RORA: variants seen among roughly 807,000 people sequenced by gnomAD.
RORA encodes nuclear receptor ROR-alpha.
A neutral mutation model predicts 69.5 loss-of-function variants in RORA; 7 were observed. The observed-to-expected ratio is 0.10, with a 90% CI of 0.06 to 0.19. The LOEUF (loss-of-function observed/expected upper bound fraction) is 0.19, where lower values mean the gene tolerates loss of function less well. Ranked by LOEUF, RORA falls within the 10% of genes least tolerant of loss-of-function variation. RORA has a pLI of 1.00. For synonymous variants in RORA, 261 were observed against 240.8 expected (o/e 1.08, Z -0.78); for missense variants, 457 against 663.0 (o/e 0.69, Z 3.41).
At chr15:60,796,511 C>CAA (rs200497896) in intron 1 of RORA, among the ~76,000 whole-genome samples, 16 of 144,200 alleles carry the variant, frequency 1.1e-4, no homozygotes, top group Non-Finnish European at 2.0e-4. Flanking sequence ...CACCCCCCGC[C>CAA]AAAAAAAAAA....
chr15:60,930,237 C>A (rs1436892758), intron 1 of RORA, among the ~76,000 whole-genome samples: 1 of 152,134 alleles, frequency 6.6e-6, no homozygotes, highest in East Asian at 1.9e-4. Flanking sequence ...ATATGCCAGT[C>A]TCCTCCTACT....
At chr15:60,740,223 C>T (rs1364516539) in intron 1 of RORA, among the ~76,000 whole-genome samples, 5 of 152,092 alleles carry the variant, frequency 3.3e-5, no homozygotes, top group Non-Finnish European at 7.3e-5. Context: ...ATTCTATAAA[C>T]CCCAACAACG....
At chr15:60,506,295 G>C (rs2065498628) in intron 5 of RORA, among the ~76,000 whole-genome samples, 1 of 152,070 alleles carries the variant, frequency 6.6e-6, no homozygotes, top group South Asian at 2.1e-4. Flanking sequence ...TATTTCACAG[G>C]GCTGCCATGA....
intron 1 of RORA, among the ~76,000 whole-genome samples, chr15:61,040,861 T>A (rs1227616023): frequency 1.3e-5 from 2 of 152,198 alleles, no homozygotes. Context: ...TTGTTTTTAT[T>A]GATAAAACTC....
At chr15:60,937,533 T>G (rs1328970726) in intron 1 of RORA, among the ~76,000 whole-genome samples, 1 of 152,226 alleles carries the variant, frequency 6.6e-6, no homozygotes, top group Non-Finnish European at 1.5e-5. Context: ...TGCACAATTC[T>G]GTTTCATATG....
At chr15:61,149,568 G>A (rs1279418100) in intron 1 of RORA, among the ~76,000 whole-genome samples, 4 of 152,158 alleles carry the variant, frequency 2.6e-5, no homozygotes, top group Admixed American at 2.0e-4. Context: ...GCAAAGGAGT[G>A]ATGTGCCATA....
chr15:61,196,297 C>A (rs1267920640), intron 1 of RORA, among the ~76,000 whole-genome samples: 1 of 152,236 alleles, frequency 6.6e-6, no homozygotes, highest in Middle Eastern at 3.2e-3. Context: ...CAACCAGTAG[C>A]TTGCATCACC....
At chr15:60,505,225 T>G (rs2065460987) in intron 6 of RORA, among the ~76,000 whole-genome samples, 1 of 152,218 alleles carries the variant, frequency 6.6e-6, no homozygotes, top group Non-Finnish European at 1.5e-5. Context: ...TCAATTCATT[T>G]AGACTTTTGG....
chr15:60,916,989 A>G (rs1284747312), intron 1 of RORA, among the ~76,000 whole-genome samples: 5 of 152,186 alleles, frequency 3.3e-5, no homozygotes, highest in Non-Finnish European at 7.3e-5. Flanking sequence ...TCCCCATCGC[A>G]CTGGTGATGG....
chr15:60,811,633 ATACAGAAACATTC>A (rs2072744180), intron 1 of RORA, among the ~76,000 whole-genome samples: 1 of 152,252 alleles, frequency 6.6e-6, no homozygotes, highest in Admixed American at 6.5e-5. Context: ...CAATGATATA[ATACAGAAACATTC>A]TTTGAAAAGA....
At chr15:60,521,899 C>T (rs902079665) in intron 3 of RORA, among the ~76,000 whole-genome samples, 4 of 152,128 alleles carry the variant, frequency 2.6e-5, no homozygotes, top group South Asian at 2.1e-4. Flanking sequence ...CTTTTCAAAA[C>T]GCCTTGTGCT....
At chr15:60,682,141 C>T (rs1181724530) in intron 1 of RORA, 4 of 152,124 alleles carry the variant, frequency 2.6e-5, no homozygotes, top group African/African-American at 2.4e-5. Flanking sequence ...CATGATGACA[C>T]TTAAAAGACT....
intron 1 of RORA, among the ~76,000 whole-genome samples, chr15:60,978,996 C>T (rs1397933078): frequency 4.5e-4 from 43 of 94,864 alleles, no homozygotes; most frequent in African/African-American, 1.7e-3. Context: ...GAGTCTTGCT[C>T]AGTAGCCCAG....
At chr15:60,915,371 A>G (rs1891840249) in intron 1 of RORA, among the ~76,000 whole-genome samples, 1 of 152,220 alleles carries the variant, frequency 6.6e-6, no homozygotes, top group Admixed American at 6.5e-5. Context: ...GGAAGTTCTC[A>G]GGCAGCACTG....
intron 1 of RORA, among the ~76,000 whole-genome samples, chr15:60,946,448 T>C (rs1295441210): frequency 6.6e-6 from 1 of 152,232 alleles, no homozygotes; most frequent in Non-Finnish European, 1.5e-5. Flanking sequence ...TCGTATTTTT[T>C]TGGTGGAGAC....
chr15:60,916,273 G>A (rs940287023), intron 1 of RORA, among the ~76,000 whole-genome samples: 1 of 152,180 alleles, frequency 6.6e-6, no homozygotes, highest in Non-Finnish European at 1.5e-5. Flanking sequence ...CCTTGTAAAG[G>A]AACAGATCTG....
rs150879408 is a variant in RORA at position 60,800,209 on chromosome 15, A to T, written c.167-121523T>A. Reference sequence around the variant, plus strand: ...TAGAACAACTTCTGTAGAGTTAAACATTTCCCAGCACACTACTGATACAAA... The same window carrying T: ...TAGAACAACTTCTGTAGAGTTAAACTTTTCCCAGCACACTACTGATACAAA... On this transcript the variant is annotated intron_variant, in intron 1 of 10. Transcript: ENST00000335670. 1.4e-4 allele frequency among the ~76,000 whole-genome samples: 22 copies of T among 152,274 alleles called. No homozygotes were observed. In the East Asian group the frequency reaches 4.3e-3, roughly 29 times the overall value.
chr15:61,007,363 T>C (rs958012733), intron 1 of RORA, among the ~76,000 whole-genome samples: 11 of 152,140 alleles, frequency 7.2e-5, no homozygotes, highest in Admixed American at 2.0e-4. Flanking sequence ...AGGAATGGAA[T>C]TGATATTGAA....
intron 1 of RORA, among the ~76,000 whole-genome samples, chr15:61,040,607 G>T (rs531663244): frequency 3.8e-4 from 58 of 152,028 alleles, no homozygotes; most frequent in Non-Finnish European, 7.1e-4. Context: ...TGTACACTAG[G>T]TAGACCGTAC....
Sources: gnomAD v4.1 joint callset for allele counts (sites outside exome capture counted in the v4.1 genomes callset) on GRCh38, gnomAD v4.1.1 for gene constraint, MANE v1.5 for transcripts, NCBI Gene and HGNC (gene_info 2026-07-23, HGNC 2026-07-21) for gene names.